The following DHRSX variants were observed in gnomAD, a reference collection of about 807,000 sequenced individuals.
DHRSX encodes polyprenol dehydrogenase.
DHRSX carries 31 observed loss-of-function variants against 34.0 expected under a neutral mutation model. That is an observed-to-expected ratio of 0.91 (90% confidence interval 0.69 to 1.23). The LOEUF is 1.23. Ranked by LOEUF, DHRSX falls within the 50% of genes most tolerant of loss-of-function variation. DHRSX has a pLI of 0.00. For missense variants in DHRSX, 414 were observed against 428.1 expected, an observed-to-expected ratio of 0.97 and a Z score of 0.29; for synonymous variants, 201 against 183.8, an observed-to-expected ratio of 1.09 and a Z score of -0.76.
At chrX:2,345,320 C>G (rs1351417821) in intron 3 of DHRSX, among the ~76,000 whole-genome samples, 1 of 151,810 alleles carries the variant, frequency 6.6e-6, no homozygotes, top group Non-Finnish European at 1.5e-5. Flanking sequence ...GTGGGTAGGC[C>G]TGGTCTAATC....
At chrX:2,248,133 A>G (rs900006902) in intron 5 of DHRSX, among the ~76,000 whole-genome samples, 2 of 151,928 alleles carry the variant, frequency 1.3e-5, no homozygotes, top group African/African-American at 4.8e-5. Context: ...CATCACCTCT[A>G]CTGAAAATAC....
chrX:2,468,534 CACT>C (rs2044533163), intron 1 of DHRSX, among the ~76,000 whole-genome samples: 4 of 127,602 alleles, frequency 3.1e-5, no homozygotes, highest in Admixed American at 7.6e-5. Context: ...ACTGTGTATG[CACT>C]GAAGAGGTTC....
At chrX:2,306,561 A>C (rs923090525) in intron 3 of DHRSX, among the ~76,000 whole-genome samples, 1 of 151,524 alleles carries the variant, frequency 6.6e-6, no homozygotes, top group Non-Finnish European at 1.5e-5. Flanking sequence ...CGCCAGGTTC[A>C]AGCGATTCAG....
Position 2,435,803 on chromosome X carries a change from T to A in DHRSX, c.110-10499A>T, listed in dbSNP as rs189240854. Among the ~76,000 whole-genome samples the A allele has an allele frequency of 2.7e-4, 41 of 152,050 alleles. No homozygotes were observed. The East Asian group carries it at 7.2e-3, about 27-fold the overall frequency. ...ATAGATAAGTAAGTAAATAAATAAATCTATGCTTACGCCATATGATATTTC... is the reference window on the plus strand; with the variant it reads ...ATAGATAAGTAAGTAAATAAATAAAACTATGCTTACGCCATATGATATTTC... On this transcript the variant is annotated intron_variant, in intron 1 of 6. Transcript: ENST00000334651.
chrX:2,367,931 A>G (rs1327931103), intron 3 of DHRSX, among the ~76,000 whole-genome samples: 2 of 152,110 alleles, frequency 1.3e-5, no homozygotes, highest in East Asian at 3.9e-4. Context: ...TCAAATGCTT[A>G]CGGGTATTTA....
At chrX:2,457,164 G>A (rs1184137160) in intron 1 of DHRSX, among the ~76,000 whole-genome samples, 4 of 152,070 alleles carry the variant, frequency 2.6e-5, no homozygotes, top group South Asian at 2.1e-4. Context: ...CCAAGGGATC[G>A]TCCCCATGTA....
intron 3 of DHRSX, among the ~76,000 whole-genome samples, chrX:2,405,655 G>A (rs188596923): frequency 1.3e-5 from 2 of 151,856 alleles, no homozygotes; most frequent in African/African-American, 4.8e-5. Flanking sequence ...AGAGTAGCTG[G>A]GTGTGGTGCT....
At chrX:2,347,683 C>G (rs775816487) in intron 3 of DHRSX, among the ~76,000 whole-genome samples, 143 of 152,264 alleles carry the variant, frequency 9.4e-4, no homozygotes, top group Non-Finnish European at 1.8e-3. Context: ...GAGCGAGACT[C>G]TGTCTCTAAA....
intron 6 of DHRSX, among the ~76,000 whole-genome samples, chrX:2,224,765 T>TACTCACACTCATTCACATGCAC (rs1354836027): frequency 6.6e-6 from 1 of 151,530 alleles, no homozygotes; most frequent in Non-Finnish European, 1.5e-5. Flanking sequence ...TGCACATGCA[T>TACTCACACTCATTCACATGCAC]ACTCACACTC....
At position 2,473,233 on chromosome X, in the gene DHRSX, G is replaced by T. The variant is rs187972364; in HGVS notation, c.109+27584C>A. 1.8e-4 allele frequency among the ~76,000 whole-genome samples: 27 copies of T among 152,300 alleles called. 1 individual carries two copies. The East Asian group carries it at 5.2e-3, about 29-fold the overall frequency. On this transcript the variant is annotated intron_variant, in intron 1 of 6. Transcript: ENST00000334651. ...ACCAGAAACAAGAGACAGGAATATT[G>T]TAACAGGGACAAAGTCCAGACCACA...
At chrX:2,434,139 G>A (rs746640707) in intron 1 of DHRSX, among the ~76,000 whole-genome samples, 42 of 152,242 alleles carry the variant, frequency 2.8e-4, no homozygotes, top group South Asian at 2.1e-4. Context: ...AAATGAATAT[G>A]CAATTTGGAG....
At chrX:2,271,884 A>C (rs765342775) in intron 4 of DHRSX, among the ~76,000 whole-genome samples, 1 of 152,158 alleles carries the variant, frequency 6.6e-6, no homozygotes, top group South Asian at 2.1e-4. Context: ...TCTACTAAAA[A>C]TACAAAATTA....
intron 5 of DHRSX, 63 bp from the exon 6 acceptor site, chrX:2,243,293 C>T: frequency 1.4e-6 from 2 of 1,469,236 alleles, no homozygotes; most frequent in Non-Finnish European, 1.9e-6. Context: ...TGCTTCATCC[C>T]AGCAGCATCT....
chrX:2,335,982 T>A (rs2124556090), intron 3 of DHRSX, among the ~76,000 whole-genome samples: 1 of 152,164 alleles, frequency 6.6e-6, no homozygotes, highest in East Asian at 1.9e-4. Context: ...GAGCACAGTG[T>A]CTTTAATATC....
In DHRSX at chrX:2,226,957, T is replaced by C. The variant is rs1275757741; in HGVS notation, c.805-5728A>G. ...GAAGCTCTGGGACCTGTCTCAGAGC[T>C]GCTGCAGAATAAGAAGGGTTCGAGT... On this transcript the variant is annotated intron_variant, in intron 6 of 6. Coordinates refer to ENST00000334651, the MANE Select transcript of DHRSX (RefSeq NM_145177.3). 4.6e-5 allele frequency among the ~76,000 whole-genome samples: 7 copies of C among 150,774 alleles called. No homozygotes were observed. In the East Asian group the frequency reaches 1.4e-3, roughly 30 times the overall value.
intron 4 of DHRSX, among the ~76,000 whole-genome samples, chrX:2,271,178 C>G (rs750974066): frequency 3.3e-5 from 5 of 152,312 alleles, no homozygotes; most frequent in African/African-American, 1.2e-4. Context: ...CTGAAGTCAG[C>G]GAGTCTGCGA....
chrX:2,298,985 C>CAAAA (rs1162323678), intron 3 of DHRSX, among the ~76,000 whole-genome samples: 16 of 88,528 alleles, frequency 1.8e-4, no homozygotes, highest in South Asian at 3.6e-4. Context: ...AACTCTGTCT[C>CAAAA]AAAAAAAAAA....
chrX:2,370,855 A>G (rs2043049886), intron 3 of DHRSX, among the ~76,000 whole-genome samples: 1 of 152,170 alleles, frequency 6.6e-6, no homozygotes, highest in African/African-American at 2.4e-5. Context: ...ACGCTTCCTT[A>G]GGACCTGCTC....
chrX:2,496,743 G>A (rs1219685049), intron 1 of DHRSX, among the ~76,000 whole-genome samples: 1 of 151,704 alleles, frequency 6.6e-6, no homozygotes, highest in Non-Finnish European at 1.5e-5. Flanking sequence ...ATACAGCAAA[G>A]CATCACACTG....
Sources: allele counts gnomAD v4.1 joint callset (sites outside exome capture counted in the v4.1 genomes callset), GRCh38; gene constraint gnomAD v4.1.1; transcripts MANE v1.5; gene names NCBI Gene and HGNC (gene_info 2026-07-23, HGNC 2026-07-21).